Variants in CACNA1C observed in about 807,000 individuals in gnomAD.
The protein encoded by CACNA1C is calcium voltage-gated channel subunit alpha1 C.
CACNA1C carries 30 observed loss-of-function variants against 229.0 expected under a neutral mutation model. The observed-to-expected ratio is 0.13, with a 90% CI of 0.10 to 0.18. CACNA1C has a LOEUF of 0.18. CACNA1C is among the 10% of genes least tolerant of loss of function. The probability of loss-of-function intolerance (pLI) is 1.00; values close to 1 mark genes in which losing one functional copy is unlikely to be tolerated. For missense variants in CACNA1C, 1,658 were observed against 2,845.0 expected, an observed-to-expected ratio of 0.58 and a Z score of 9.49; for synonymous variants, 1,114 against 1,132.5, an observed-to-expected ratio of 0.98 and a Z score of 0.33.
rs1425701406 is a variant in CACNA1C, at chr12:2,287,255, G to A, written c.478-161721G>A. ...GGTTTCTGGGAATGACCTTCCCAAG[G>A]GGAGGGATCGGGCAAGTATTGAGTC... On this transcript the variant is annotated intron_variant, in intron 3 of 46. Coordinates refer to ENST00000399655, the MANE Select transcript of CACNA1C (RefSeq NM_000719.7). This position sits in a 1 kb window ranked among gnomAD's most constrained non-coding sequence, Gnocchi z 4.6. 6.6e-6 allele frequency among the ~76,000 whole-genome samples: 1 copy of A among 152,238 alleles called. No individual in the cohort carries two copies. Among genetic ancestry groups the A allele is most frequent in the African/African-American group, 2.4e-5 (1 of 41,476 alleles).
intron 38 of CACNA1C, among the ~76,000 whole-genome samples, chr12:2,673,273 C>T (rs895099799): frequency 2.0e-5 from 3 of 151,684 alleles, no homozygotes; most frequent in African/African-American, 7.3e-5. Flanking sequence ...GTTGGGAGTT[C>T]GAGACCAACA....
At chr12:2,589,651 A>T (rs2064265388) in intron 18 of CACNA1C, among the ~76,000 whole-genome samples, 1 of 145,128 alleles carries the variant, frequency 6.9e-6, no homozygotes, top group African/African-American at 2.4e-5. Context: ...ACGTCTGAGC[A>T]GAGGAGGCCC....
intron 3 of CACNA1C, among the ~76,000 whole-genome samples, chr12:2,437,804 GTGA>G (rs149168010): frequency 0.16 from 23,948 of 150,976 alleles, 2,239 homozygotes; most frequent in African/African-American, 0.25. Flanking sequence ...GGTGGGGATG[GTGA>G]TGATGGTGGT....
At chr12:2,277,782 C>T (rs10774036) in intron 3 of CACNA1C, among the ~76,000 whole-genome samples, 37,735 of 152,174 alleles carry the variant, frequency 0.25, 5,670 homozygotes, top group Non-Finnish European at 0.34. Flanking sequence ...CCACCATAAC[C>T]GCTCACCAAA....
At chr12:2,179,170 A>G (rs1028783860) in intron 3 of CACNA1C, among the ~76,000 whole-genome samples, 1 of 152,252 alleles carries the variant, frequency 6.6e-6, no homozygotes, top group African/African-American at 2.4e-5. Flanking sequence ...AGGCATTAAA[A>G]TGAATGTTTG....
intron 3 of CACNA1C, among the ~76,000 whole-genome samples, chr12:2,374,355 G>A (rs926741843): frequency 6.6e-6 from 1 of 152,164 alleles, no homozygotes; most frequent in Non-Finnish European, 1.5e-5. Flanking sequence ...TTCTGCTTTG[G>A]TGTTATTTGT....
intron 9 of CACNA1C, among the ~76,000 whole-genome samples, chr12:2,542,254 T>C (rs1388488677): frequency 6.6e-6 from 1 of 152,250 alleles, no homozygotes; most frequent in Non-Finnish European, 1.5e-5. Flanking sequence ...CACATCATGC[T>C]GGCCTCATGG....
At chr12:2,445,487 GC>G (rs2099268600) in intron 3 of CACNA1C, among the ~76,000 whole-genome samples, 1 of 152,188 alleles carries the variant, frequency 6.6e-6, no homozygotes, top group Non-Finnish European at 1.5e-5. Context: ...CATGTTCTAT[GC>G]CAGGATGCAG....
chr12:2,555,165 C>A (rs1054169927), intron 10 of CACNA1C, among the ~76,000 whole-genome samples: 2 of 152,214 alleles, frequency 1.3e-5, no homozygotes, highest in Non-Finnish European at 2.9e-5. Context: ...ACCCCCAGCG[C>A]CAATCCTGCT....
chr12:2,662,238 T>C (rs2095797378), intron 34 of CACNA1C, among the ~76,000 whole-genome samples: 1 of 85,658 alleles, frequency 1.2e-5, no homozygotes, highest in Non-Finnish European at 3.0e-5. Flanking sequence ...AAAGACCCCA[T>C]CTCAAAAAAA....
intron 11 of CACNA1C, among the ~76,000 whole-genome samples, chr12:2,558,169 G>A (rs1341150804): frequency 2.0e-5 from 3 of 152,194 alleles, no homozygotes; most frequent in Admixed American, 6.5e-5. Flanking sequence ...GGACGGAGCT[G>A]GACACATGGC....
intron 3 of CACNA1C, among the ~76,000 whole-genome samples, chr12:2,211,712 TG>T: frequency 6.9e-6 from 1 of 144,292 alleles, no homozygotes; most frequent in African/African-American, 2.7e-5. Context: ...CTCTTTCTGC[TG>T]CTTTTTTTTT....
rs868419861 is a variant in CACNA1C, at chr12:2,630,383, C to T, written c.3829-3914C>T. The stretch of plus-strand genomic sequence containing the variant: ...AGACAGCATCAAGCCCTTCCACTCC[C>T]GAGAGTGTTGGGAAAAGTATTCCTC... On this transcript the variant is annotated intron_variant, in intron 29 of 46. Coordinates refer to ENST00000399655, the MANE Select transcript of CACNA1C (RefSeq NM_000719.7). This position sits in a 1 kb window ranked among gnomAD's most constrained non-coding sequence, Gnocchi z 5.4. Among the ~76,000 whole-genome samples, 5 of 152,110 alleles carry T rather than the reference C, an allele frequency of 3.3e-5. No individual in the cohort carries two copies. Among genetic ancestry groups the T allele is most frequent in the Non-Finnish European group, 7.3e-5 (5 of 68,030 alleles).
chr12:2,327,607 C>T (rs999100135), intron 3 of CACNA1C, among the ~76,000 whole-genome samples: 1 of 152,156 alleles, frequency 6.6e-6, no homozygotes, highest in South Asian at 2.1e-4. Context: ...GAGAGGTGTT[C>T]GTGTGGTGTG....
Position 1,971,141 on chromosome 12 carries a change from A to C in CACNA1C, c.79A>C (p.Lys27Gln). 4 of 1,289,456 alleles carry C rather than the reference A, an allele frequency of 3.1e-6. No homozygotes were observed. The highest frequency in any genetic ancestry group is 4.0e-6 in the Non-Finnish European group (4 of 988,514). The allele number at this position is 1,289,456 out of a possible 1,614,324, so 79.9% of individuals were successfully genotyped here. ...CCACCTGTCTGCCAACACGGAGGTCAAGTTTAAGGGTACTTTGGTGCATGA... is the reference window on the plus strand; with the variant it reads ...CCACCTGTCTGCCAACACGGAGGTCCAGTTTAAGGGTACTTTGGTGCATGA... Residue 27 changes from lysine (K) to glutamine (Q), a missense_variant, in exon 1 of 47, where the codon AAG (lysine) becomes CAG (glutamine). Coordinates refer to the CACNA1C transcript ENST00000682462. This position sits in a 1 kb window ranked among gnomAD's most constrained non-coding sequence, Gnocchi z 4.2.
In CACNA1C at chr12:2,197,923, G is replaced by A. The variant is rs76699858; in HGVS notation, c.477+77493G>A. Reference sequence around the variant, plus strand: ...CAGTGTTAAGAGATGATTTCCAAACGAAGCTGTGGTTTCATTTGGAACGCT... The same window carrying A: ...CAGTGTTAAGAGATGATTTCCAAACAAAGCTGTGGTTTCATTTGGAACGCT... On this transcript the variant is annotated intron_variant, in intron 3 of 46. Transcript: ENST00000399655. Among the ~76,000 whole-genome samples the A allele has an allele frequency of 9.7e-3, 1,480 of 152,288 alleles. 24 individuals are homozygous for A. The highest frequency in any genetic ancestry group is 0.033 in the African/African-American group (1,356 of 41,548).
chr12:2,017,660 GTT>G (rs35525403), intron 1 of CACNA1C, among the ~76,000 whole-genome samples: 1 of 144,516 alleles, frequency 6.9e-6, no homozygotes, highest in African/African-American at 2.5e-5. Flanking sequence ...TCTTTTTTCT[GTT>G]TTTTTTTTTT....
intron 1 of CACNA1C, among the ~76,000 whole-genome samples, chr12:2,112,554 G>T (rs188666590): frequency 1.3e-5 from 2 of 152,062 alleles, no homozygotes; most frequent in Non-Finnish European, 2.9e-5. Context: ...GCTATGAACT[G>T]GGTGTGGCAG....
chr12:2,584,038 C>A (rs912368725), intron 15 of CACNA1C, among the ~76,000 whole-genome samples: 1 of 152,212 alleles, frequency 6.6e-6, no homozygotes, highest in African/African-American at 2.4e-5. Flanking sequence ...TCCAGATGGA[C>A]CCTCCAAGGG....
Sources: allele counts gnomAD v4.1 joint callset (sites outside exome capture counted in the v4.1 genomes callset), GRCh38; gene constraint gnomAD v4.1.1; non-coding constraint Gnocchi (gnomAD v3.1); transcripts MANE v1.5; gene names NCBI Gene and HGNC (gene_info 2026-07-23, HGNC 2026-07-21).